Variants in MED17 observed in about 807,000 individuals in gnomAD.
MED17 encodes the protein mediator of RNA polymerase II transcription subunit 17.
MED17 carries 49 observed loss-of-function variants against 80.8 expected under a neutral mutation model. That is an observed-to-expected ratio of 0.61 (90% CI 0.48 to 0.77). The LOEUF is 0.77. Ranked by LOEUF, MED17 falls within the 30% of genes least tolerant of loss-of-function variation. The pLI is 0.00. For missense variants in MED17, 718 were observed against 787.0 expected, an observed-to-expected ratio of 0.91 and a Z score of 1.05; for synonymous variants, 281 against 280.4, an observed-to-expected ratio of 1.00 and a Z score of -0.02.
intron 3 of MED17, among the ~76,000 whole-genome samples, chr11:93,791,390 AG>A (rs772377067): frequency 1.8e-4 from 28 of 152,138 alleles, no homozygotes; most frequent in Non-Finnish European, 3.4e-4. Context: ...TCCTCAATCA[AG>A]GCCTTACCTG....
chr11:93,795,841 A>G (rs1192172247), intron 6 of MED17: 1 of 156,358 alleles, frequency 6.4e-6, no homozygotes, highest in African/African-American at 2.4e-5. Context: ...ACAAATTAAT[A>G]TATAGCTTTT....
At position 93,797,618 on chromosome 11, in the gene MED17, T is replaced by C; in HGVS notation, c.1227T>C (p.Gly409=). The C allele has an allele frequency of 6.2e-7, 1 of 1,614,018 alleles. No individual in the cohort carries two copies. Among genetic ancestry groups the C allele is most frequent in the Non-Finnish European group, 8.5e-7 (1 of 1,179,896 alleles). Residue 409 remains glycine, a synonymous_variant, in exon 8 of 12, where the codon GGT becomes GGC. Transcript: ENST00000251871. ...PFGHKRMRLS[G]PQAFDKNEIN... Reference sequence around the variant, plus strand: ...GCCACAAGAGAATGAGACTTTCGGGTCCTCAAGCTTTTGATAAAAATGAAA... The same window carrying C: ...GCCACAAGAGAATGAGACTTTCGGGCCCTCAAGCTTTTGATAAAAATGAAA...
At chr11:93,797,838 T>G (rs1433120921) in intron 8 of MED17, 119 bp downstream of exon 8, 2 of 892,618 alleles carry the variant, frequency 2.2e-6, no homozygotes, top group African/African-American at 3.4e-5. Flanking sequence ...GGAGAGGAGG[T>G]GGTAAGAGTT....
At chr11:93,805,124 C>T (rs1944010656) in intron 9 of MED17, among the ~76,000 whole-genome samples, 1 of 152,218 alleles carries the variant, frequency 6.6e-6, no homozygotes, top group Admixed American at 6.5e-5. Context: ...TTTGTTAGCA[C>T]ATAGATCTAC....
Position 93,813,569 on chromosome 11 carries a change from T to C in MED17, c.*1505T>C, listed in dbSNP as rs1390522775. 6.6e-6 allele frequency: 1 copy of C among 152,220 alleles called. No homozygotes were observed. Among genetic ancestry groups the C allele is most frequent in the African/African-American group, 2.4e-5 (1 of 41,440 alleles). 9.4% of individuals were successfully genotyped at this position (152,220 alleles called of 1,614,324 possible). A position where few individuals can be genotyped will look rare whatever the true frequency, so the allele number is the denominator to read the frequency against. On this transcript the variant is annotated 3_prime_UTR_variant, in exon 12 of 12. Coordinates refer to ENST00000251871, the MANE Select transcript of MED17 (RefSeq NM_004268.5). ...GGCTAGAAGAGTGAGTCTGAGACTTTTGCTGAATGACCAGTTTTTGTTTAT... is the reference window on the plus strand; with the variant it reads ...GGCTAGAAGAGTGAGTCTGAGACTTCTGCTGAATGACCAGTTTTTGTTTAT...
chr11:93,796,655 C>G, intron 7 of MED17, 115 bp downstream of exon 7: 1 of 1,194,766 alleles, frequency 8.4e-7, no homozygotes, highest in Non-Finnish European at 1.2e-6. Flanking sequence ...ACAACATTCA[C>G]TGTCTGATGT....
Position 93,796,390 on chromosome 11 carries a change from C to T in MED17, c.1013-20C>T, listed in dbSNP as rs558578168. ...ATATTTCAGGTTATTTACATATGTC[C>T]TCCTTCTTTTTATAAATAGGCTTGC... On this transcript the variant is annotated intron_variant, in intron 6 of 11. Transcript: ENST00000251871. 15 of 1,600,670 alleles carry T rather than the reference C, an allele frequency of 9.4e-6. No homozygotes were observed. The East Asian group carries it at 3.3e-4, about 36-fold the overall frequency.
intron 9 of MED17, among the ~76,000 whole-genome samples, chr11:93,804,012 TATATATATATATATACAC>T (rs1943995509): frequency 1.7e-4 from 4 of 23,072 alleles, no homozygotes; most frequent in African/African-American, 2.8e-4. Flanking sequence ...TATATATATA[TATATATATATATATACAC>T]ACACACATAT....
chr11:93,812,943 A>G lies in MED17; in HGVS notation c.*879A>G, dbSNP rs1002240743. ...AGTTGAGACACCTAGTGTATGGCTC[A>G]TGCCCAGCCTTCCACCTGGGATTCT... On this transcript the variant is annotated 3_prime_UTR_variant, in exon 12 of 12. Coordinates refer to ENST00000251871, the MANE Select transcript of MED17 (RefSeq NM_004268.5). 6.6e-6 allele frequency: 1 copy of G among 152,328 alleles called. No homozygotes were observed. The highest frequency in any genetic ancestry group is 1.5e-5 in the Non-Finnish European group (1 of 68,144). The allele number at this position is 152,328 out of a possible 1,614,324, so 9.4% of individuals were successfully genotyped here.
intron 3 of MED17, among the ~76,000 whole-genome samples, chr11:93,792,543 C>T (rs1591384044): frequency 6.6e-6 from 1 of 152,148 alleles, no homozygotes; most frequent in Non-Finnish European, 1.5e-5. Flanking sequence ...AGCATCTTCC[C>T]TTGTTATAAA....
At chr11:93,802,347 G>A (rs181545619) in intron 9 of MED17, among the ~76,000 whole-genome samples, 12 of 152,226 alleles carry the variant, frequency 7.9e-5, no homozygotes, top group African/African-American at 2.9e-4. Flanking sequence ...CAATCCTGCT[G>A]TCTTGGCCTC....
chr11:93,804,015 A>ATG (rs1943995910), intron 9 of MED17, among the ~76,000 whole-genome samples: 1 of 22,978 alleles, frequency 4.4e-5, no homozygotes, highest in African/African-American at 9.1e-5. Flanking sequence ...ATATATATAT[A>ATG]TATATATATA....
At chr11:93,790,103 A>G (rs1015578061) in intron 2 of MED17, among the ~76,000 whole-genome samples, 1 of 152,230 alleles carries the variant, frequency 6.6e-6, no homozygotes, top group East Asian at 1.9e-4. Context: ...TTCATTCATT[A>G]AATCAAATAT....
chr11:93,807,736 GA>G (rs1028641566), intron 10 of MED17, 101 bp downstream of exon 10: 12 of 821,676 alleles, frequency 1.5e-5, no homozygotes, highest in South Asian at 2.8e-5. Flanking sequence ...TGTGTAAGAA[GA>G]AAAAAAATTT....
At chr11:93,784,904 G>A (rs1943752823) in intron 1 of MED17, 141 bp downstream of exon 1, 1 of 1,239,808 alleles carries the variant, frequency 8.1e-7, no homozygotes, top group Non-Finnish European at 1.1e-6. Flanking sequence ...AGGATACTTG[G>A]TCGTCATCTT....
intron 11 of MED17, chr11:93,811,417 T>G (rs1944084690): frequency 1.0e-5 from 2 of 198,674 alleles, no homozygotes; most frequent in Non-Finnish European, 2.1e-5. Flanking sequence ...ACGCCTGTAA[T>G]CCCAGCACTT....
intron 3 of MED17, chr11:93,793,135 T>TTTTTTTTTTTTTTTTTTTTTTTTA (rs1943858158): frequency 6.9e-6 from 1 of 144,958 alleles, no homozygotes; most frequent in Non-Finnish European, 1.5e-5. Flanking sequence ...TTTTTTTTTT[T>TTTTTTTTTTTTTTTTTTTTTTTTA]GAGACAGAGT....
At chr11:93,804,045 A>AGG (rs1565293350) in intron 9 of MED17, among the ~76,000 whole-genome samples, 1 of 85,558 alleles carries the variant, frequency 1.2e-5, no homozygotes, top group Admixed American at 1.7e-4. Context: ...ACATATACAC[A>AGG]CGCACACACA....
In MED17 at chr11:93,792,650, C is replaced by G. The variant is rs189503350; in HGVS notation, c.638-1078C>G. 2.0e-5 allele frequency among the ~76,000 whole-genome samples: 3 copies of G among 152,232 alleles called. No homozygotes were observed. In the East Asian group the frequency reaches 5.8e-4, roughly 29 times the overall value. ...TACACAAAAACACATCACATAAAAT[C>G]TAGGAACTGGGCTGGGCATGGGGGC... On this transcript the variant is annotated intron_variant, in intron 3 of 11. Coordinates refer to ENST00000251871, the MANE Select transcript of MED17 (RefSeq NM_004268.5).
Sources: gnomAD v4.1 joint callset for allele counts (sites outside exome capture counted in the v4.1 genomes callset) on GRCh38, gnomAD v4.1.1 for gene constraint, MANE v1.5 for transcripts, NCBI Gene and HGNC (gene_info 2026-07-23, HGNC 2026-07-21) for gene names.